Variants in PRUNE2 observed in about 807,000 individuals in gnomAD.
The protein encoded by PRUNE2 is prune homolog 2 with BCH domain, also known as protein prune homolog 2.
A neutral mutation model predicts 252.0 loss-of-function variants in PRUNE2; 164 were observed. That is an observed-to-expected ratio of 0.65 (90% CI 0.57 to 0.74). The LOEUF is 0.74. PRUNE2 is among the 30% of genes least tolerant of loss of function. The pLI is 0.00. For synonymous variants in PRUNE2, 1,292 were observed against 1,350.2 expected, an observed-to-expected ratio of 0.96 and a Z score of 0.94; for missense variants, 3,495 against 3,711.0, an observed-to-expected ratio of 0.94 and a Z score of 1.51.
intron 6 of PRUNE2, among the ~76,000 whole-genome samples, chr9:76,819,669 A>G (rs1045843413): frequency 6.6e-6 from 1 of 152,242 alleles, no homozygotes; most frequent in African/African-American, 2.4e-5. Context: ...TGATCAAGTC[A>G]GTGCATGGCT....
intron 1 of PRUNE2, among the ~76,000 whole-genome samples, chr9:76,866,457 T>C (rs1038375227): frequency 5.9e-5 from 9 of 152,362 alleles, no homozygotes; most frequent in African/African-American, 1.7e-4. Context: ...CTCATTCGGT[T>C]GACAAAATGT....
chr9:76,666,491 T>C (rs566520690), intron 9 of PRUNE2, among the ~76,000 whole-genome samples: 10 of 152,236 alleles, frequency 6.6e-5, no homozygotes, highest in African/African-American at 2.4e-4. Context: ...GTACTAAAAG[T>C]CTCTGATATG....
chr9:76,642,160 C>T (rs968049620), intron 12 of PRUNE2, among the ~76,000 whole-genome samples: 4 of 151,912 alleles, frequency 2.6e-5, no homozygotes, highest in African/African-American at 9.7e-5. Flanking sequence ...CTGAGCAAAA[C>T]CATTCAAACC....
At chr9:76,867,489 A>T (rs987866783) in intron 1 of PRUNE2, among the ~76,000 whole-genome samples, 1 of 152,210 alleles carries the variant, frequency 6.6e-6, no homozygotes, top group African/African-American at 2.4e-5. Flanking sequence ...AGGTTGATTC[A>T]GTATCAGAAA....
intron 6 of PRUNE2, among the ~76,000 whole-genome samples, chr9:76,803,838 T>C (rs2056739608): frequency 1.3e-5 from 2 of 152,172 alleles, no homozygotes; most frequent in Non-Finnish European, 2.9e-5. Context: ...AGACTGTCTG[T>C]TCTTCGCAGG....
chr9:76,774,457 T>TAGTTATTTATTTATTTATTTA (rs756648285), intron 6 of PRUNE2, among the ~76,000 whole-genome samples: 82 of 73,570 alleles, frequency 1.1e-3, no homozygotes, highest in African/African-American at 4.2e-3. Flanking sequence ...ACCCTTTTTT[T>TAGTTATTTATTTATTTATTTA]TTTTTTTTTT....
intron 11 of PRUNE2, 86 bp downstream of exon 11, chr9:76,652,397 T>A: frequency 2.3e-6 from 2 of 879,704 alleles, no homozygotes; most frequent in South Asian, 3.2e-5. Flanking sequence ...ACAAAAAGGA[T>A]CCACTGGCAC....
chr9:76,709,694 T>C lies in PRUNE2; in HGVS notation c.2580A>G (p.Ala860=), dbSNP rs1366012603. The C allele has an allele frequency of 2.5e-6, 4 of 1,614,022 alleles. No individual in the cohort carries two copies. The highest frequency in any genetic ancestry group is 2.5e-6 in the Non-Finnish European group (3 of 1,179,880). Residue 860 remains alanine, a synonymous_variant, in exon 8 of 19, where the codon GCA becomes GCG. Transcript: ENST00000376718. The stretch of plus-strand genomic sequence containing the variant: ...TTTTCTTGCCCCAGATTTCTGGAGC[T>C]GCTTCATTGTTTATCTCACTGGGTG... ...DNSPSEINNE[A]APEIWGKKNN...
rs116471026 is a variant in PRUNE2 at position 76,668,714 on chromosome 9, G to A, written c.8277-13212C>T. On this transcript the variant is annotated intron_variant, in intron 9 of 18. Coordinates refer to ENST00000376718, the MANE Select transcript of PRUNE2 (RefSeq NM_015225.3). ...GGGCCTCCCCACTGTACACTTCACT[G>A]ATACAGGAGGACCGGCTTCATTCCA... is the stretch of plus-strand genomic sequence containing the variant. 5.7e-3 allele frequency among the ~76,000 whole-genome samples: 861 copies of A among 152,078 alleles called. 8 individuals carry two copies. The highest frequency in any genetic ancestry group is 0.02 in the African/African-American group (823 of 41,486).
chr9:76,717,433 G>A (rs546227793), intron 6 of PRUNE2, among the ~76,000 whole-genome samples: 1 of 152,198 alleles, frequency 6.6e-6, no homozygotes, highest in East Asian at 1.9e-4. Context: ...TGAATAAACA[G>A]CACTTCATCA....
At chr9:76,772,633 A>C (rs1022725816) in intron 6 of PRUNE2, among the ~76,000 whole-genome samples, 2 of 152,134 alleles carry the variant, frequency 1.3e-5, no homozygotes, top group Non-Finnish European at 2.9e-5. Flanking sequence ...GTGCAATCAC[A>C]GTTCACTGTA....
rs1460325199 is a variant in PRUNE2, at chr9:76,612,887, C to T, written c.*1683G>A. 2.0e-5 allele frequency: 3 copies of T among 152,154 alleles called. No individual in the cohort carries two copies. The East Asian group carries it at 5.8e-4, about 29-fold the overall frequency. 9.4% of individuals were successfully genotyped at this position (152,154 alleles called of 1,614,324 possible). ...AGGACTCCAAATATCCTGGACAGCT[C>T]TCCCCAATGAATTTTCCACCATGAG... is the stretch of plus-strand genomic sequence containing the variant. On this transcript the variant is annotated 3_prime_UTR_variant, in exon 19 of 19. Coordinates refer to ENST00000376718, the MANE Select transcript of PRUNE2 (RefSeq NM_015225.3).
chr9:76,832,385 T>G (rs936248852), intron 4 of PRUNE2, among the ~76,000 whole-genome samples: 2 of 152,022 alleles, frequency 1.3e-5, no homozygotes, highest in African/African-American at 4.8e-5. Context: ...CTAATAAATT[T>G]CAAAAGGTGG....
chr9:76,891,345 A>G (rs2062461100), intron 1 of PRUNE2, among the ~76,000 whole-genome samples: 2 of 152,208 alleles, frequency 1.3e-5, no homozygotes, highest in Non-Finnish European at 2.9e-5. Flanking sequence ...TGAAATGACT[A>G]TAAGTGACAT....
intron 6 of PRUNE2, among the ~76,000 whole-genome samples, chr9:76,715,211 T>A (rs1049278068): frequency 6.6e-6 from 1 of 152,210 alleles, no homozygotes; most frequent in South Asian, 2.1e-4. Context: ...TTAATGTCTA[T>A]GTGGTCATTC....
At chr9:76,674,526 T>C (rs1283775449) in intron 9 of PRUNE2, among the ~76,000 whole-genome samples, 11 of 151,974 alleles carry the variant, frequency 7.2e-5, no homozygotes, top group Non-Finnish European at 8.8e-5. Flanking sequence ...CCCATCAAGC[T>C]ACCAATGACT....
chr9:76,729,124 A>T (rs992026670), intron 6 of PRUNE2, among the ~76,000 whole-genome samples: 2 of 152,194 alleles, frequency 1.3e-5, no homozygotes, highest in African/African-American at 4.8e-5. Flanking sequence ...TGATTAAAAG[A>T]ACTCTCAGGT....
In PRUNE2 at chr9:76,895,352, C is replaced by A. The variant is rs1038128910; in HGVS notation, c.36+10576G>T. On this transcript the variant is annotated intron_variant, in intron 1 of 18. Transcript: ENST00000376718. ...TTGTACGTGCTGAGGCCTATTTATG[C>A]CTCCCCACATCAGACTCACATTTTT... is the stretch of plus-strand genomic sequence containing the variant. Among the ~76,000 whole-genome samples the A allele has an allele frequency of 2.6e-5, 4 of 152,132 alleles. No individual in the cohort carries two copies. In the South Asian group the frequency reaches 8.3e-4, roughly 32 times the overall value.
intron 9 of PRUNE2, among the ~76,000 whole-genome samples, chr9:76,674,311 T>C (rs2134017149): frequency 6.6e-6 from 1 of 152,250 alleles, no homozygotes; most frequent in Non-Finnish European, 1.5e-5. Flanking sequence ...CGCAATTGCT[T>C]CAAAGAGAAT....
Sources: allele counts gnomAD v4.1 joint callset (sites outside exome capture counted in the v4.1 genomes callset), GRCh38; gene constraint gnomAD v4.1.1; transcripts MANE v1.5; gene names NCBI Gene and HGNC (gene_info 2026-07-23, HGNC 2026-07-21).